The following RUNX1 variants were observed in gnomAD, a reference collection of about 807,000 sequenced individuals.
RUNX1 encodes the protein runt-related transcription factor 1.
Under a neutral mutation model 42.8 loss-of-function variants are expected in RUNX1, and 19 were observed. That is an observed-to-expected ratio of 0.44 (90% CI 0.31 to 0.65). The LOEUF is 0.65. Ranked by LOEUF, RUNX1 falls within the 30% of genes least tolerant of loss-of-function variation. The probability of loss-of-function intolerance (pLI) is 0.07; values close to 1 mark genes in which losing one functional copy is unlikely to be tolerated. For missense variants in RUNX1, 528 were observed against 672.0 expected, an observed-to-expected ratio of 0.79 and a Z score of 2.37; for synonymous variants, 271 against 289.4, an observed-to-expected ratio of 0.94 and a Z score of 0.64.
chr21:34,962,200 G>T (rs1267620706), intron 2 of RUNX1, among the ~76,000 whole-genome samples: 1 of 152,170 alleles, frequency 6.6e-6, no homozygotes, highest in Non-Finnish European at 1.5e-5. Context: ...GCTGTAAGTT[G>T]TATTTAAATT....
intron 2 of RUNX1, among the ~76,000 whole-genome samples, chr21:35,044,911 C>G (rs2059385406): frequency 6.6e-6 from 1 of 152,152 alleles, no homozygotes; most frequent in Admixed American, 6.5e-5. Context: ...GTTGCTGTTT[C>G]CAAAGGTGCT....
intron 2 of RUNX1, among the ~76,000 whole-genome samples, chr21:34,925,060 T>C (rs2058383010): frequency 6.6e-6 from 1 of 151,904 alleles, no homozygotes; most frequent in Admixed American, 6.5e-5. Context: ...TTTGGGAGGA[T>C]ACAAACATTG....
intron 2 of RUNX1, among the ~76,000 whole-genome samples, chr21:34,971,713 A>C (rs941819773): frequency 5.3e-5 from 8 of 152,232 alleles, no homozygotes; most frequent in African/African-American, 1.9e-4. Context: ...ACAGGTTCCC[A>C]TGTGAGGGCA....
At chr21:35,045,220 A>C (rs2059387582) in intron 2 of RUNX1, among the ~76,000 whole-genome samples, 1 of 152,012 alleles carries the variant, frequency 6.6e-6, no homozygotes, top group Non-Finnish European at 1.5e-5. Flanking sequence ...TAGTTTCAAA[A>C]TGTGTGGGCA....
intron 2 of RUNX1, among the ~76,000 whole-genome samples, chr21:34,974,292 T>C (rs1364769258): frequency 6.6e-6 from 1 of 151,806 alleles, no homozygotes; most frequent in Non-Finnish European, 1.5e-5. Context: ...GGGGTGCTCA[T>C]GGGGCAGAGT....
At chr21:35,018,088 C>T (rs949003242) in intron 2 of RUNX1, among the ~76,000 whole-genome samples, 1 of 152,134 alleles carries the variant, frequency 6.6e-6, no homozygotes, top group African/African-American at 2.4e-5. Context: ...TGCACTGGTG[C>T]AATCTTGGCT....
intron 2 of RUNX1, among the ~76,000 whole-genome samples, chr21:34,923,133 C>T (rs536739139): frequency 5.1e-4 from 78 of 152,314 alleles, no homozygotes; most frequent in African/African-American, 1.9e-3. Context: ...ACAGTTATGT[C>T]TTGATTACCT....
At chr21:35,029,233 A>G (rs2059257192) in intron 2 of RUNX1, among the ~76,000 whole-genome samples, 1 of 152,214 alleles carries the variant, frequency 6.6e-6, no homozygotes, top group South Asian at 2.1e-4. Context: ...CAAGTGTATT[A>G]CATATAATGA....
intron 2 of RUNX1, among the ~76,000 whole-genome samples, chr21:34,954,790 AGAG>A (rs375176530): frequency 6.6e-6 from 1 of 152,182 alleles, no homozygotes; most frequent in African/African-American, 2.4e-5. Flanking sequence ...AGATTCTCGC[AGAG>A]GAGAAGTTTT....
intron 2 of RUNX1, among the ~76,000 whole-genome samples, chr21:34,925,145 A>G (rs2058383684): frequency 6.6e-6 from 1 of 152,144 alleles, no homozygotes; most frequent in Admixed American, 6.6e-5. Context: ...ACTCTTCCCA[A>G]ACTATGTTAT....
At chr21:35,034,997 C>T (rs544254093) in intron 2 of RUNX1, among the ~76,000 whole-genome samples, 3 of 152,300 alleles carry the variant, frequency 2.0e-5, no homozygotes, top group African/African-American at 7.2e-5. Flanking sequence ...ATCCAGTGTA[C>T]AAGGATGCAT....
chr21:34,884,329 T>C (rs1229582452), intron 4 of RUNX1, among the ~76,000 whole-genome samples: 1 of 152,206 alleles, frequency 6.6e-6, no homozygotes, highest in African/African-American at 2.4e-5. Flanking sequence ...AAGATTGACG[T>C]AGAGGATTTA....
At chr21:34,961,127 G>A (rs2058679117) in intron 2 of RUNX1, among the ~76,000 whole-genome samples, 1 of 152,138 alleles carries the variant, frequency 6.6e-6, no homozygotes, top group African/African-American at 2.4e-5. Context: ...TGTAATCCCA[G>A]CACTTTGGGA....
At chr21:34,930,287 T>TATATATAA (rs1555906440) in intron 2 of RUNX1, among the ~76,000 whole-genome samples, 13 of 142,960 alleles carry the variant, frequency 9.1e-5, no homozygotes, top group African/African-American at 3.5e-4. Flanking sequence ...TATATATATA[T>TATATATAA]ATATAAATAA....
intron 8 of RUNX1, among the ~76,000 whole-genome samples, chr21:34,794,960 C>A (rs952904353): frequency 2.0e-5 from 3 of 152,132 alleles, no homozygotes; most frequent in Non-Finnish European, 4.4e-5. Flanking sequence ...CAGCTGAGAA[C>A]CACCACTGCA....
chr21:34,977,148 G>A (rs1243992729), intron 2 of RUNX1, among the ~76,000 whole-genome samples: 1 of 152,144 alleles, frequency 6.6e-6, no homozygotes, highest in African/African-American at 2.4e-5. Flanking sequence ...GCTATTGTGT[G>A]AATTTCTGTT....
chr21:34,989,735 T>A (rs191903636), intron 2 of RUNX1, among the ~76,000 whole-genome samples: 1 of 152,286 alleles, frequency 6.6e-6, no homozygotes, highest in African/African-American at 2.4e-5. Context: ...AAAGCTGAAA[T>A]GTCTAGTAAG....
chr21:34,947,728 T>G (rs1174969659), intron 2 of RUNX1, among the ~76,000 whole-genome samples: 1 of 152,238 alleles, frequency 6.6e-6, no homozygotes, highest in East Asian at 1.9e-4. Context: ...TTTCTCCCTG[T>G]ATTTCCCTCA....
intron 2 of RUNX1, among the ~76,000 whole-genome samples, chr21:34,921,040 G>C (rs2058349965): frequency 1.3e-5 from 2 of 152,184 alleles, no homozygotes; most frequent in South Asian, 4.1e-4. Context: ...GGTATTTTTA[G>C]TAGAGTCGGG....
Sources: allele counts gnomAD v4.1 joint callset (sites outside exome capture counted in the v4.1 genomes callset), GRCh38; gene constraint gnomAD v4.1.1; transcripts MANE v1.5; gene names NCBI Gene and HGNC (gene_info 2026-07-23, HGNC 2026-07-21).